Variants in FOXP4 observed in about 807,000 individuals in gnomAD.
FOXP4 encodes forkhead box P4, also known as forkhead box protein P4.
A neutral mutation model predicts 82.6 loss-of-function variants in FOXP4; 25 were observed. The ratio of observed to expected loss-of-function variants is 0.30; its 90% CI spans 0.22 to 0.42. The LOEUF (loss-of-function observed/expected upper bound fraction) is 0.42. FOXP4 is among the 10% of genes least tolerant of loss of function. The probability of loss-of-function intolerance (pLI) is 1.00; values close to 1 mark genes in which losing one functional copy is unlikely to be tolerated. For synonymous variants in FOXP4, 415 were observed against 388.2 expected, an observed-to-expected ratio of 1.07 and a Z score of -0.81; for missense variants, 785 against 900.9, an observed-to-expected ratio of 0.87 and a Z score of 1.65.
rs953582869 is a variant in FOXP4, at chr6:41,601,505, T to C, written c.*2569T>C. 1.3e-5 allele frequency: 2 copies of C among 152,188 alleles called. No individual in the cohort carries two copies. Among genetic ancestry groups the C allele is most frequent in the African/African-American group, 4.8e-5 (2 of 41,400 alleles). 9.4% of individuals were successfully genotyped at this position (152,188 alleles called of 1,614,324 possible). The stretch of plus-strand genomic sequence containing the variant: ...TATTTTTTTTAAGATGGAGTTTCGC[T>C]CTTATTGCCCAGACTGGAGTGCAGT... On this transcript the variant is annotated 3_prime_UTR_variant, in exon 17 of 17. Coordinates refer to ENST00000307972, the MANE Select transcript of FOXP4 (RefSeq NM_001012426.2).
chr6:41,555,058 G>A (rs763277220), intron 1 of FOXP4, among the ~76,000 whole-genome samples: 4 of 152,020 alleles, frequency 2.6e-5, no homozygotes, highest in Non-Finnish European at 4.4e-5. Context: ...AGACCAGCCT[G>A]GGCAATATGG....
At chr6:41,570,980 A>G (rs1180873280) in intron 2 of FOXP4, among the ~76,000 whole-genome samples, 1 of 152,132 alleles carries the variant, frequency 6.6e-6, no homozygotes, top group Admixed American at 6.5e-5. Flanking sequence ...CCAACCCTAC[A>G]TTGCAGAGGT....
intron 2 of FOXP4, among the ~76,000 whole-genome samples, chr6:41,569,257 C>A (rs189068985): frequency 1.7e-3 from 258 of 152,314 alleles, no homozygotes; most frequent in Non-Finnish European, 3.2e-3. Context: ...TTACTTTGCA[C>A]TGGGCTCCGT....
At chr6:41,594,735 AC>A in intron 13 of FOXP4, 134 bp from the exon 14 acceptor site, 8 of 1,370,580 alleles carry the variant, frequency 5.8e-6, no homozygotes, top group Admixed American at 2.1e-5. Flanking sequence ...CTCCCAGCCC[AC>A]CCCCCTCCCC....
rs757678562 is a variant in FOXP4 at position 41,587,483 on chromosome 6, G to T, written c.843G>T (p.Gln281His). Residue 281 changes from glutamine to histidine, a missense_variant, in exon 7 of 17, where the codon CAG (glutamine) becomes CAT (histidine). This residue lies in a region of FOXP4 where 570 missense variants were observed against 634.0 expected (regional missense o/e 0.90). Transcript: ENST00000307972. ...CCCACCATACCCTGCCCAACGGACA[G>T]CCTACTGTGCTCACATCTCGGAGAG... is the stretch of plus-strand genomic sequence containing the variant. ...PLSHHTLPNG[Q>H]PTVLTSRRDS... is the part of the protein sequence containing the mutation. 3.5e-5 allele frequency: 54 copies of T among 1,531,214 alleles called. No homozygotes were observed. The highest frequency in any genetic ancestry group is 1.8e-4 in the Middle Eastern group (1 of 5,660). 94.9% of individuals were successfully genotyped at this position (1,531,214 alleles called of 1,614,324 possible).
chr6:41,590,215 G>C (rs780113161), intron 11 of FOXP4, 45 bp downstream of exon 11: 2 of 1,609,624 alleles, frequency 1.2e-6, no homozygotes, highest in Non-Finnish European at 1.7e-6. Flanking sequence ...GCGTGAGGCT[G>C]TTTTTCCCAT....
chr6:41,597,751 C>T, intron 15 of FOXP4, 30 bp from the exon 16 acceptor site: 2 of 1,598,082 alleles, frequency 1.3e-6, no homozygotes, highest in Non-Finnish European at 8.5e-7. Flanking sequence ...TGTGGAGCCA[C>T]TGACGAGGCC....
intron 1 of FOXP4, among the ~76,000 whole-genome samples, chr6:41,548,134 C>G (rs376573865): frequency 6.6e-6 from 1 of 152,302 alleles, no homozygotes; most frequent in Non-Finnish European, 1.5e-5. Context: ...TCCTTTGCTC[C>G]CCGGCTTCCC....
intron 4 of FOXP4, 100 bp downstream of exon 4, chr6:41,584,991 C>T (rs9367108): frequency 0.026 from 36,609 of 1,421,704 alleles, 1,011 homozygotes; most frequent in East Asian, 0.1. Flanking sequence ...GTCCCAGAAA[C>T]CAGAGAGACT....
rs1474052972 is a variant in FOXP4, at chr6:41,565,741, C to G, written c.-16-4C>G. 6.3e-7 allele frequency: 1 copy of G among 1,575,872 alleles called. No homozygotes were observed. Among genetic ancestry groups the G allele is most frequent in the Non-Finnish European group, 8.7e-7 (1 of 1,155,700 alleles). On this transcript the variant is annotated splice_polypyrimidine_tract_variant and splice_region_variant and intron_variant, in intron 1 of 16. Coordinates refer to ENST00000307972, the MANE Select transcript of FOXP4 (RefSeq NM_001012426.2). ...TCTCCCCTGTGTCTCTCTTCCTCCTCCAGGTACCGCTAGAGCGACATGATG... is the reference window on the plus strand; with the variant it reads ...TCTCCCCTGTGTCTCTCTTCCTCCTGCAGGTACCGCTAGAGCGACATGATG...
chr6:41,588,035 C>G, intron 8 of FOXP4, 138 bp downstream of exon 8: 1 of 602,590 alleles, frequency 1.7e-6, no homozygotes, highest in Non-Finnish European at 3.0e-6. Context: ...GGTTCTAGTT[C>G]TTTCTCTGCC....
chr6:41,547,098 C>A (rs1051067431), intron 1 of FOXP4, among the ~76,000 whole-genome samples: 4 of 151,834 alleles, frequency 2.6e-5, no homozygotes, highest in Admixed American at 2.0e-4. Flanking sequence ...CGCGACATTC[C>A]GCCCCTGGCC....
intron 13 of FOXP4, among the ~76,000 whole-genome samples, chr6:41,594,216 C>G (rs952524841): frequency 1.3e-5 from 2 of 151,896 alleles, no homozygotes; most frequent in African/African-American, 4.8e-5. Flanking sequence ...TCTTTCTCTC[C>G]TCTTTCTGCC....
chr6:41,570,107 C>T (rs1765110902), intron 2 of FOXP4: 1 of 346,440 alleles, frequency 2.9e-6, no homozygotes, highest in Non-Finnish European at 5.7e-6. Context: ...CACACACACA[C>T]ACACACACAC....
At chr6:41,561,521 C>T (rs1419302587) in intron 1 of FOXP4, among the ~76,000 whole-genome samples, 1 of 152,210 alleles carries the variant, frequency 6.6e-6, no homozygotes, top group Non-Finnish European at 1.5e-5. Flanking sequence ...GAGCCTCTGC[C>T]TTCCTGTTCC....
chr6:41,586,751 C>G (rs969098464), intron 5 of FOXP4, among the ~76,000 whole-genome samples: 1 of 152,130 alleles, frequency 6.6e-6, no homozygotes, highest in African/African-American at 2.4e-5. Context: ...GGAGGGAGGG[C>G]GTCGTGCTGC....
chr6:41,599,595 C>A lies in FOXP4; in HGVS notation c.*659C>A. ...ACCCGCCCCCAACCTGAGACAGAAC[C>A]AGGCTGAGCCAGGCCTCCACCCCCA... On this transcript the variant is annotated 3_prime_UTR_variant, in exon 17 of 17. Coordinates refer to ENST00000307972, the MANE Select transcript of FOXP4 (RefSeq NM_001012426.2). 6.6e-6 allele frequency: 1 copy of A among 152,550 alleles called. No homozygotes were observed. The highest frequency in any genetic ancestry group is 1.5e-5 in the Non-Finnish European group (1 of 68,258). 9.4% of individuals were successfully genotyped at this position (152,550 alleles called of 1,614,324 possible).
intron 2 of FOXP4, 93 bp downstream of exon 2, chr6:41,566,057 G>A: frequency 4.5e-6 from 6 of 1,327,000 alleles, no homozygotes; most frequent in Non-Finnish European, 6.2e-6. Flanking sequence ...ACCACTCCCT[G>A]CCAGGCAGCC....
intron 14 of FOXP4, among the ~76,000 whole-genome samples, chr6:41,595,253 G>C (rs1376885816): frequency 1.3e-5 from 2 of 152,244 alleles, no homozygotes; most frequent in African/African-American, 4.8e-5. Context: ...AAGGAGGCCT[G>C]GTAGCAAAGA....
Sources: gnomAD v4.1 joint callset for allele counts (sites outside exome capture counted in the v4.1 genomes callset) on GRCh38, gnomAD v4.1.1 for gene constraint, gnomAD v4.1.1 regional missense constraint, MANE v1.5 for transcripts, NCBI Gene and HGNC (gene_info 2026-07-23, HGNC 2026-07-21) for gene names.